Variants in LIPA observed in about 807,000 individuals in gnomAD.
The protein encoded by LIPA is lipase A, lysosomal acid type.
A neutral mutation model predicts 40.6 loss-of-function variants in LIPA; 26 were observed. The observed-to-expected ratio is 0.64, with a 90% CI of 0.47 to 0.89. The LOEUF (loss-of-function observed/expected upper bound fraction) is 0.89, where lower values mean the gene tolerates loss of function less well. LIPA is among the 40% of genes least tolerant of loss of function. The probability of loss-of-function intolerance (pLI) is 0.00; values close to 1 mark genes in which losing one functional copy is unlikely to be tolerated. For synonymous variants in LIPA, 188 were observed against 168.4 expected, an observed-to-expected ratio of 1.12 and a Z score of -0.90; for missense variants, 455 against 479.6, an observed-to-expected ratio of 0.95 and a Z score of 0.48.
At chr10:89,394,358 A>G (rs1303996164) in intron 2 of LIPA, among the ~76,000 whole-genome samples, 1 of 152,124 alleles carries the variant, frequency 6.6e-6, no homozygotes, top group Non-Finnish European at 1.5e-5. Context: ...TTTTACAATA[A>G]GGAATCTTAG....
chr10:89,359,797 T>C (rs568981498), intron 2 of LIPA, among the ~76,000 whole-genome samples: 4 of 148,092 alleles, frequency 2.7e-5, no homozygotes, highest in African/African-American at 1.0e-4. Context: ...CCTCTCTATC[T>C]ATCTCTCTCT....
chr10:89,330,171 G>A (rs1341947021), intron 1 of LIPA, among the ~76,000 whole-genome samples: 1 of 152,212 alleles, frequency 6.6e-6, no homozygotes, highest in Admixed American at 6.5e-5. Flanking sequence ...GGGCTCAGAG[G>A]CCTGACAAGT....
intron 1 of LIPA, among the ~76,000 whole-genome samples, chr10:89,303,837 A>G (rs756201711): frequency 6.6e-6 from 1 of 152,230 alleles, no homozygotes; most frequent in Non-Finnish European, 1.5e-5. Flanking sequence ...AGGAAGCTAT[A>G]GTGAGTCTTC....
intron 2 of LIPA, among the ~76,000 whole-genome samples, chr10:89,359,819 A>T (rs531401712): frequency 0.021 from 3,113 of 149,084 alleles, 54 homozygotes; most frequent in African/African-American, 0.055. Context: ...TCTCTCTCAC[A>T]CACACACACA....
chr10:89,277,026 A>G (rs1843292621), intron 1 of LIPA, among the ~76,000 whole-genome samples: 1 of 152,192 alleles, frequency 6.6e-6, no homozygotes, highest in Non-Finnish European at 1.5e-5. Flanking sequence ...GCTTCACTAA[A>G]TGTTTATTGA....
intron 1 of LIPA, among the ~76,000 whole-genome samples, chr10:89,305,093 G>A (rs554266996): frequency 6.6e-6 from 1 of 151,810 alleles, no homozygotes; most frequent in African/African-American, 2.4e-5. Flanking sequence ...ATAGAGGTAT[G>A]GGGGGGAGGG....
upstream of LIPA, among the ~76,000 whole-genome samples, chr10:89,346,946 T>C (rs1359277020): frequency 6.6e-6 from 1 of 152,198 alleles, no homozygotes; most frequent in Non-Finnish European, 1.5e-5. Context: ...TTTCTCTCCT[T>C]TGGTCTCCCA....
intron 1 of LIPA, among the ~76,000 whole-genome samples, chr10:89,265,151 C>G (rs1449667868): frequency 6.7e-6 from 1 of 149,218 alleles, no homozygotes; most frequent in African/African-American, 2.5e-5. Context: ...AGGGAGAGGC[C>G]AGGCAGTAGG....
chr10:89,389,952 C>A (rs1163785686), intron 2 of LIPA, among the ~76,000 whole-genome samples: 8 of 146,932 alleles, frequency 5.4e-5, no homozygotes, highest in African/African-American at 2.0e-4. Context: ...AGGTCTACAT[C>A]AAAATCACCT....
chr10:89,240,031 C>T (rs186813908), intron 3 of LIPA, among the ~76,000 whole-genome samples: 1 of 152,176 alleles, frequency 6.6e-6, no homozygotes. Flanking sequence ...TTATCCAGCT[C>T]TCATCCAAAA....
chr10:89,341,392 G>C (rs1434574557), intron 1 of LIPA, among the ~76,000 whole-genome samples: 2 of 152,212 alleles, frequency 1.3e-5, no homozygotes, highest in African/African-American at 4.8e-5. Context: ...TCAGGTTAAA[G>C]TCAGACCTGG....
At chr10:89,327,819 T>A (rs1371215542) in intron 1 of LIPA, 3 of 509,070 alleles carry the variant, frequency 5.9e-6, no homozygotes, top group African/African-American at 5.9e-5. Flanking sequence ...GGCTCAGCCA[T>A]TGCAGGTCTC....
At chr10:89,306,828 A>C in intron 1 of LIPA, 1 of 1,614,150 alleles carries the variant, frequency 6.2e-7, no homozygotes, top group Non-Finnish European at 8.5e-7. Context: ...GGGTGCTGCT[A>C]TAGGGCAAAA....
intron 1 of LIPA, chr10:89,340,059 G>A: frequency 6.2e-7 from 1 of 1,614,110 alleles, no homozygotes; most frequent in Non-Finnish European, 8.5e-7. Context: ...ATGGTAGTGA[G>A]GAAATGGGCC....
In LIPA at chr10:89,245,765, G is replaced by T. The variant is rs775608408; in HGVS notation, c.140C>A (p.Pro47His). ...VSEIISYWGF[P>H]SEEYLVETED... ...TGTCTCAACTAGGTATTCCTCACTA[G>T]GGAATCCCCAGTAAGAGATAATTTC... Residue 47 changes from proline (P) to histidine (H), a missense_variant, in exon 3 of 10, where the codon CCT becomes CAT. Pro to His is a moderately conservative substitution (Grantham distance 77). Transcript: ENST00000336233. 41 of 1,590,702 alleles carry T rather than the reference G, an allele frequency of 2.6e-5. 1 individual carries two copies. The highest frequency in any genetic ancestry group is 2.3e-4 in the South Asian group (21 of 90,578).
At chr10:89,380,233 A>G (rs1326018427) in intron 2 of LIPA, among the ~76,000 whole-genome samples, 1 of 152,104 alleles carries the variant, frequency 6.6e-6, no homozygotes, top group Non-Finnish European at 1.5e-5. Flanking sequence ...TAATGCCCAC[A>G]TCAAAATCCT....
chr10:89,296,489 C>G (rs1181894329), intron 1 of LIPA, among the ~76,000 whole-genome samples: 1 of 102,996 alleles, frequency 9.7e-6, no homozygotes, highest in Non-Finnish European at 1.9e-5. Flanking sequence ...GAGACTGTCT[C>G]AAAAAAAAAA....
intron 2 of LIPA, among the ~76,000 whole-genome samples, chr10:89,382,140 G>GTTATA (rs754137539): frequency 1.3e-5 from 2 of 151,810 alleles, no homozygotes; most frequent in Non-Finnish European, 2.9e-5. Flanking sequence ...TTAGATTATG[G>GTTATA]TTATATTATA....
chr10:89,231,894 T>C (rs1413198989), intron 3 of LIPA, among the ~76,000 whole-genome samples: 1 of 152,226 alleles, frequency 6.6e-6, no homozygotes, highest in East Asian at 1.9e-4. Context: ...TGTGCTCATC[T>C]TTGCCTTCAA....
Sources: gnomAD v4.1 joint callset for allele counts (sites outside exome capture counted in the v4.1 genomes callset) on GRCh38, gnomAD v4.1.1 for gene constraint, MANE v1.5 for transcripts, NCBI Gene and HGNC (gene_info 2026-07-23, HGNC 2026-07-21) for gene names.